The following ABR variants were observed in gnomAD, a reference collection of about 807,000 sequenced individuals.
ABR encodes ABR activator of RhoGEF and GTPase, also known as active breakpoint cluster region-related protein.
A neutral mutation model predicts 107.2 loss-of-function variants in ABR; 35 were observed. That is an observed-to-expected ratio of 0.33 (90% CI 0.25 to 0.43). The LOEUF is 0.43. Among genes scored for constraint, ABR ranks in the 20% least tolerant of loss-of-function variants. The pLI is 1.00. For synonymous variants in ABR, 498 were observed against 462.0 expected (o/e 1.08, Z -1.00); for missense variants, 815 against 1,115.2 (o/e 0.73, Z 3.83).
In ABR at chr17:1,004,918, C is replaced by G. The variant is rs2069911183; in HGVS notation, c.*1162G>C. 2.5e-6 allele frequency: 1 copy of G among 397,962 alleles called. No individual in the cohort carries two copies. The highest frequency in any genetic ancestry group is 2.1e-5 in the African/African-American group (1 of 48,642). 24.7% of individuals were successfully genotyped at this position (397,962 alleles called of 1,614,324 possible). ...TGTGGAGTGTGTGTAAAATCTAAGG[C>G]AAGAGTACCACGAGGTCCTGCGGTG... On this transcript the variant is annotated 3_prime_UTR_variant, in exon 23 of 23. Transcript: ENST00000302538.
intron 16 of ABR, among the ~76,000 whole-genome samples, chr17:1,032,366 G>A (rs888973796): frequency 1.3e-5 from 2 of 152,196 alleles, no homozygotes; most frequent in African/African-American, 4.8e-5. Flanking sequence ...AAGGATAAAG[G>A]AGACCCCTAG....
chr17:1,129,854 G>A (rs1179181350), intron 1 of ABR, among the ~76,000 whole-genome samples: 3 of 152,184 alleles, frequency 2.0e-5, no homozygotes, highest in African/African-American at 7.2e-5. Flanking sequence ...GGCTGAGGCA[G>A]GAGAACTGCT....
chr17:1,041,959 T>G (rs537543127), intron 16 of ABR, among the ~76,000 whole-genome samples: 2 of 152,084 alleles, frequency 1.3e-5, no homozygotes, highest in East Asian at 1.9e-4. Flanking sequence ...GGCCCAACTG[T>G]GTGCTTCAAC....
intron 6 of ABR, among the ~76,000 whole-genome samples, chr17:1,076,819 T>C (rs1240666115): frequency 6.6e-6 from 1 of 151,248 alleles, no homozygotes; most frequent in Non-Finnish European, 1.5e-5. Context: ...CCACGGCCCC[T>C]GCACGCTGGG....
At chr17:1,065,742 CTTTTTT>C (rs56388222) in intron 10 of ABR, among the ~76,000 whole-genome samples, 50,857 of 116,476 alleles carry the variant, frequency 0.44, 8,551 homozygotes, top group East Asian at 0.61. Flanking sequence ...CAAACCAATG[CTTTTTT>C]TTTTTTTTTT....
chr17:1,108,882 C>T, intron 2 of ABR: 1 of 1,524,816 alleles, frequency 6.6e-7, no homozygotes, highest in Non-Finnish European at 8.8e-7. Flanking sequence ...CGCGCACCTT[C>T]GGCAGCGCCG....
At chr17:1,139,519 TGGGATTACA>T (rs1351023424) in intron 1 of ABR, among the ~76,000 whole-genome samples, 1 of 152,028 alleles carries the variant, frequency 6.6e-6, no homozygotes, top group Non-Finnish European at 1.5e-5. Flanking sequence ...CCCAAAATGC[TGGGATTACA>T]GGCGTGAGCC....
At position 1,070,449 on chromosome 17, in the gene ABR, C is replaced by T. The variant is rs1005037198; in HGVS notation, c.895-359G>A. Among the ~76,000 whole-genome samples the T allele has an allele frequency of 2.0e-5, 3 of 152,206 alleles. No homozygotes were observed. Among genetic ancestry groups the T allele is most frequent in the East Asian group, 3.9e-4 (2 of 5,182 alleles). The stretch of plus-strand genomic sequence containing the variant: ...TGTGTGCAACGCACGGGGCTCTCCG[C>T]GGCTAACCCTGGAGCCCCCTGCCCG... On this transcript the variant is annotated intron_variant, in intron 8 of 22. Coordinates refer to ENST00000302538, the MANE Select transcript of ABR (RefSeq NM_021962.5). The surrounding 1 kb of genome is among the most constrained non-coding windows in gnomAD (Gnocchi z 4.2).
chr17:1,188,183 G>A (rs893472801), upstream of ABR, among the ~76,000 whole-genome samples: 1 of 151,944 alleles, frequency 6.6e-6, no homozygotes, highest in African/African-American at 2.4e-5. Context: ...ACCCCAGCCT[G>A]GGAGACAGAG....
At chr17:1,095,101 G>A (rs762715046) in intron 3 of ABR, among the ~76,000 whole-genome samples, 2 of 152,174 alleles carry the variant, frequency 1.3e-5, no homozygotes, top group African/African-American at 2.4e-5. Context: ...TCTTGTCCCC[G>A]CCTTGGCGCA....
chr17:1,214,174 C>T (rs142983791), intron 1 of ABR, among the ~76,000 whole-genome samples: 11 of 152,166 alleles, frequency 7.2e-5, no homozygotes, highest in African/African-American at 1.4e-4. Context: ...CATGAGCCAC[C>T]GCTCCCGGCC....
chr17:1,009,920 G>A, intron 20 of ABR, 136 bp from the exon 21 acceptor site: 1 of 716,546 alleles, frequency 1.4e-6, no homozygotes, highest in East Asian at 2.7e-5. Context: ...CCACAGGGGA[G>A]GGCCTGGTGT....
chr17:1,164,197 G>A (rs61590878), intron 1 of ABR, among the ~76,000 whole-genome samples: 756 of 29,346 alleles, frequency 0.026, 1 homozygote, highest in Middle Eastern at 0.18. Flanking sequence ...AGACGCAGGG[G>A]CCCCAGATAA....
rs970330981 is a variant in ABR at position 1,067,205 on chromosome 17, G to A, written c.1054C>T (p.Leu352=). ...GGGGATGGAAACACCAGGTCGGCCA[G>A]GGGGATGTACCACTTACAGTCATAC... ...QQYDCKWYIP[L]ADLVFPSPEE... is the part of the protein sequence containing the mutation. The change falls in exon 10 of 23, where the codon CTG becomes TTG. Residue 352 remains leucine, a synonymous_variant. Transcript: ENST00000302538. The A allele has an allele frequency of 1.9e-6, 3 of 1,610,102 alleles. No homozygotes were observed. The highest frequency in any genetic ancestry group is 3.3e-5 in the Admixed American group (2 of 59,728).
intron 6 of ABR, among the ~76,000 whole-genome samples, chr17:1,074,569 A>G (rs2035548373): frequency 6.6e-6 from 1 of 152,372 alleles, no homozygotes; most frequent in South Asian, 2.1e-4. Flanking sequence ...AAGGCCAGGC[A>G]CAGCCAGCTG....
At chr17:1,030,530 G>A (rs1035533422) in intron 16 of ABR, among the ~76,000 whole-genome samples, 1 of 152,240 alleles carries the variant, frequency 6.6e-6, no homozygotes, top group African/African-American at 2.4e-5. Flanking sequence ...TGACACAGGG[G>A]CCAGTGCAGT....
chr17:1,025,823 G>C (rs75321172), intron 16 of ABR, among the ~76,000 whole-genome samples: 2 of 152,124 alleles, frequency 1.3e-5, no homozygotes, highest in South Asian at 2.1e-4. Context: ...ACAGGGTCTC[G>C]TCTGTCTCGG....
rs541362308 is a variant in ABR, at chr17:1,091,907, G to A, written c.346-57C>T. On this transcript the variant is annotated intron_variant, in intron 3 of 22. Coordinates refer to ENST00000302538, the MANE Select transcript of ABR (RefSeq NM_021962.5). ...TCGGGGGTAAACAAACCAGAGTGTC[G>A]GCAGGCCCCGGGGCCGATCGTTAGC... 2.6e-5 allele frequency: 40 copies of A among 1,539,554 alleles called. No individual in the cohort carries two copies. In the East Asian group the frequency reaches 3.2e-4, roughly 12 times the overall value.
intron 2 of ABR, among the ~76,000 whole-genome samples, chr17:1,103,203 G>A (rs115998521): frequency 0.011 from 1,670 of 152,142 alleles, 29 homozygotes; most frequent in African/African-American, 0.038. Flanking sequence ...TCAATTCACC[G>A]GAGTCTCAAA....
Sources: allele counts gnomAD v4.1 joint callset (sites outside exome capture counted in the v4.1 genomes callset), GRCh38; gene constraint gnomAD v4.1.1; non-coding constraint Gnocchi (gnomAD v3.1); transcripts MANE v1.5; gene names NCBI Gene and HGNC (gene_info 2026-07-23, HGNC 2026-07-21).